Variants in GREB1 observed in about 807,000 individuals in gnomAD.
GREB1 encodes the protein growth regulating estrogen receptor binding 1, also known as protein GREB1.
GREB1 carries 106 observed loss-of-function variants against 200.7 expected under a neutral mutation model. That is an observed-to-expected ratio of 0.53 (90% confidence interval 0.45 to 0.62). The LOEUF is 0.62. Ranked by LOEUF, GREB1 falls within the 20% of genes least tolerant of loss-of-function variation. The pLI, the probability that GREB1 is intolerant of heterozygous loss-of-function variation, is 0.00. For missense variants in GREB1, 2,243 were observed against 2,556.8 expected (o/e 0.88, Z 2.65); for synonymous variants, 1,132 against 1,092.4 (o/e 1.04, Z -0.72).
chr2:11,513,878 C>T (rs1451262878), intron 1 of GREB1, among the ~76,000 whole-genome samples: 2 of 152,174 alleles, frequency 1.3e-5, no homozygotes, highest in Non-Finnish European at 2.9e-5. Context: ...TGTGGTTCTT[C>T]AGCCAGTAAT....
In GREB1 at chr2:11,487,585, A is replaced by G. The variant is rs141189053; in HGVS notation, c.-159+5204A>G. Among the ~76,000 whole-genome samples, 4 of 152,298 alleles carry G rather than the reference A, an allele frequency of 2.6e-5. No individual in the cohort carries two copies. The East Asian group carries it at 7.7e-4, about 29-fold the overall frequency. On this transcript the variant is annotated intron_variant, in intron 1 of 2. Coordinates refer to the GREB1 transcript ENST00000628795. ...AGACTGAGCCCTTCAGAAATGTGCA[A>G]TGACAAATCTTGATCCAACTGATTC...
Position 11,483,687 on chromosome 2 carries a change from G to GT in GREB1, c.-159+1306_-159+1307insT, listed in dbSNP as rs1672573952. ...GCTGCTTCCCCGAAGTACAAGAAGG[G>GT]GTGTGTGTGTGTGTGTGTGTGTGTG... On this transcript the variant is annotated intron_variant, in intron 1 of 2. Coordinates refer to the GREB1 transcript ENST00000628795. 6.4e-4 allele frequency among the ~76,000 whole-genome samples: 85 copies of GT among 132,386 alleles called. 1 individual carries two copies. The highest frequency in any genetic ancestry group is 2.3e-3 in the African/African-American group (81 of 35,088). 86.9% of individuals were successfully genotyped at this position (132,386 alleles called of 152,430 possible). A position where few individuals can be genotyped will look rare whatever the true frequency, so the allele number is the denominator to read the frequency against.
At chr2:11,489,798 C>T (rs1468190152) in intron 1 of GREB1, among the ~76,000 whole-genome samples, 1 of 152,044 alleles carries the variant, frequency 6.6e-6, no homozygotes, top group Non-Finnish European at 1.5e-5. Flanking sequence ...TGAATTGCCA[C>T]TCTCTTTACA....
chr2:11,575,182 G>A (rs1678716425), intron 4 of GREB1, among the ~76,000 whole-genome samples: 1 of 152,250 alleles, frequency 6.6e-6, no homozygotes, highest in African/African-American at 2.4e-5. Context: ...GACCTTTGTA[G>A]ACTTATCAAA....
chr2:11,582,904 G>A (rs570705402), intron 7 of GREB1, among the ~76,000 whole-genome samples: 65 of 152,314 alleles, frequency 4.3e-4, no homozygotes, highest in African/African-American at 1.2e-3. Context: ...CCCTGGGGGC[G>A]GGGGTAGGAA....
chr2:11,625,105 C>G lies in GREB1; in HGVS notation c.4148-49C>G, dbSNP rs1352364180. On this transcript the variant is annotated intron_variant, in intron 23 of 32. Transcript: ENST00000381486. ...TGTTTAGCGACACATGACTGTAAAT[C>G]ATTTTCACTTCCTATTTTGTCACAT... The G allele has an allele frequency of 1.2e-5, 17 of 1,451,710 alleles. No individual in the cohort carries two copies. In the East Asian group the frequency reaches 3.9e-4, roughly 33 times the overall value. 89.9% of individuals were successfully genotyped at this position (1,451,710 alleles called of 1,614,324 possible). A position where few individuals can be genotyped will look rare whatever the true frequency, so the allele number is the denominator to read the frequency against.
chr2:11,641,548 C>G lies in GREB1; in HGVS notation c.*1094C>G, dbSNP rs531008475. 6.6e-6 allele frequency: 1 copy of G among 151,998 alleles called. No individual in the cohort carries two copies. Among genetic ancestry groups the G allele is most frequent in the Non-Finnish European group, 1.5e-5 (1 of 68,086 alleles). The allele number at this position is 151,998 out of a possible 1,614,324, so 9.4% of individuals were successfully genotyped here. On this transcript the variant is annotated 3_prime_UTR_variant, in exon 33 of 33. Transcript: ENST00000381486. Reference sequence around the variant, plus strand: ...TCACCCAGGCTGGAGTGCAGTGGTGCGATCTCGGCTCACTGCAAGCTCCGC... The same window carrying G: ...TCACCCAGGCTGGAGTGCAGTGGTGGGATCTCGGCTCACTGCAAGCTCCGC...
chr2:11,566,422 T>C (rs1250651223), intron 3 of GREB1, 58 bp from the exon 4 acceptor site: 20 of 1,522,400 alleles, frequency 1.3e-5, no homozygotes, highest in East Asian at 2.3e-5. Flanking sequence ...CCTTTGCCCC[T>C]GTGACCCCGC....
chr2:11,535,966 T>C (rs1198759822), intron 1 of GREB1, among the ~76,000 whole-genome samples: 1 of 152,118 alleles, frequency 6.6e-6, no homozygotes, highest in Non-Finnish European at 1.5e-5. Context: ...TAAACTCTTA[T>C]CAGATACCTT....
intron 1 of GREB1, among the ~76,000 whole-genome samples, chr2:11,520,075 C>T (rs557503162): frequency 1.3e-5 from 2 of 152,252 alleles, no homozygotes; most frequent in East Asian, 3.9e-4. Flanking sequence ...GAGGTCGAGG[C>T]TGCAGTGAGC....
chr2:11,598,043 G>A (rs988502089), intron 14 of GREB1, 65 bp downstream of exon 14: 3 of 1,155,346 alleles, frequency 2.6e-6, no homozygotes, highest in African/African-American at 3.5e-5. Flanking sequence ...TCCATGTGTG[G>A]GTGTTGACAC....
intron 4 of GREB1, among the ~76,000 whole-genome samples, chr2:11,576,050 T>C (rs1444203735): frequency 6.6e-6 from 1 of 152,214 alleles, no homozygotes; most frequent in Non-Finnish European, 1.5e-5. Context: ...CTCTGGCTGG[T>C]GGTGCAGGAA....
rs183527428 is a variant in GREB1, at chr2:11,513,009, C to T, written c.-159+30628C>T. Among the ~76,000 whole-genome samples the T allele has an allele frequency of 5.7e-4, 87 of 152,234 alleles. 2 individuals carry two copies. Among genetic ancestry groups the T allele is most frequent in the Admixed American group, 4.5e-3 (69 of 15,294 alleles). On this transcript the variant is annotated intron_variant, in intron 1 of 2. Transcript: ENST00000628795. ...GGATTCTTTCAACACACTGTCCGTCCGCCTGGGAATGGAGATTTTGATAAA... is the reference window on the plus strand; with the variant it reads ...GGATTCTTTCAACACACTGTCCGTCTGCCTGGGAATGGAGATTTTGATAAA...
At chr2:11,495,795 C>CCTTTTTTTTTTT (rs1393933225) in intron 1 of GREB1, among the ~76,000 whole-genome samples, 1 of 140,470 alleles carries the variant, frequency 7.1e-6, no homozygotes, top group African/African-American at 2.7e-5. Context: ...TAAGTCCCCC[C>CCTTTTTTTTTTT]GTTTTTTTTT....
In GREB1 at chr2:11,618,701, G is replaced by A; in HGVS notation, c.3826G>A (p.Gly1276Ser). The change falls in exon 22 of 33, where the codon GGC becomes AGC. Residue 1276 changes from glycine (G) to serine (S), a missense_variant. Physicochemically the swap from Gly to Ser is moderately conservative, Grantham distance 56 (BLOSUM62 0). Transcript: ENST00000381486. Reference protein sequence around the residue: ...YDMVVSTDSSGLPKAASLLPS... With the variant: ...YDMVVSTDSSSLPKAASLLPS... ...CATGGTTGTGTCCACTGACAGCAGT[G>A]GCCTGCCCAAGGCCGCCTCCCTCCT... 1 of 1,613,730 alleles carries A rather than the reference G, an allele frequency of 6.2e-7. No individual in the cohort carries two copies. Among genetic ancestry groups the A allele is most frequent in the Non-Finnish European group, 8.5e-7 (1 of 1,179,950 alleles).
At chr2:11,638,948 C>A in intron 32 of GREB1, 139 bp downstream of exon 32, 1 of 849,254 alleles carries the variant, frequency 1.2e-6, no homozygotes, top group Non-Finnish European at 1.8e-6. Flanking sequence ...ACTGCCTCAG[C>A]CACCCAGGGA....
chr2:11,522,197 A>C (rs1673727810), intron 1 of GREB1, among the ~76,000 whole-genome samples: 1 of 152,102 alleles, frequency 6.6e-6, no homozygotes, highest in Admixed American at 6.5e-5. Context: ...GTTAACATTA[A>C]TTCTAAATAT....
At position 11,593,061 on chromosome 2, in the gene GREB1, C is replaced by T; in HGVS notation, c.1631C>T (p.Thr544Ile). 1.2e-6 allele frequency: 2 copies of T among 1,612,780 alleles called. No individual in the cohort carries two copies. The highest frequency in any genetic ancestry group is 8.5e-7 in the Non-Finnish European group (1 of 1,179,738). ...TTGGTCGAGGGCAAGCTTGCCAAGACCAACTACGTGGTCATCATCTGCGCC... is the reference window on the plus strand; with the variant it reads ...TTGGTCGAGGGCAAGCTTGCCAAGATCAACTACGTGGTCATCATCTGCGCC... ...RLLVEGKLAK[T>I]NYVVIICACR... Residue 544 changes from threonine to isoleucine, a missense_variant, in exon 11 of 33, where the codon ACC becomes ATC. Thr to Ile is a moderately conservative substitution (Grantham distance 89, BLOSUM62 -1). Transcript: ENST00000381486.
chr2:11,496,779 T>A (rs184307246), intron 1 of GREB1, among the ~76,000 whole-genome samples: 1 of 152,200 alleles, frequency 6.6e-6, no homozygotes, highest in African/African-American at 2.4e-5. Context: ...AAAACTATCA[T>A]ACACTATGGC....
Sources: allele counts gnomAD v4.1 joint callset (sites outside exome capture counted in the v4.1 genomes callset), GRCh38; gene constraint gnomAD v4.1.1; transcripts MANE v1.5; gene names NCBI Gene and HGNC (gene_info 2026-07-23, HGNC 2026-07-21).